The following SLC35F1 variants were observed in gnomAD, a reference collection of about 807,000 sequenced individuals.
SLC35F1 encodes the protein solute carrier family 35 member F1.
SLC35F1 carries 14 observed loss-of-function variants against 48.7 expected under a neutral mutation model. The observed-to-expected ratio is 0.29, with a 90% CI of 0.19 to 0.45. The LOEUF is 0.45. SLC35F1 is among the 20% of genes least tolerant of loss of function. The pLI is 1.00. For synonymous variants in SLC35F1, 190 were observed against 202.2 expected (o/e 0.94, Z 0.51); for missense variants, 404 against 500.0 (o/e 0.81, Z 1.83).
Position 118,269,947 on chromosome 6 carries a change from G to A in SLC35F1, c.637+2793G>A, listed in dbSNP as rs144944824. On this transcript the variant is annotated intron_variant, in intron 4 of 7. Coordinates refer to ENST00000360388, the MANE Select transcript of SLC35F1 (RefSeq NM_001029858.4). ...GGAGGCTGAGGCGGGAGGATCGCCT[G>A]AGCCCAGGAGTTTAACGTTATAGTG... is the stretch of plus-strand genomic sequence containing the variant. 3.4e-3 allele frequency among the ~76,000 whole-genome samples: 511 copies of A among 152,248 alleles called. 1 individual carries two copies. The highest frequency in any genetic ancestry group is 6.0e-3 in the Non-Finnish European group (408 of 68,014).
chr6:118,286,705 T>C (rs185936367), intron 7 of SLC35F1, among the ~76,000 whole-genome samples: 99 of 152,328 alleles, frequency 6.5e-4, no homozygotes, highest in African/African-American at 2.4e-3. Context: ...TTTGGATGTA[T>C]GTATACATTG....
chr6:118,237,610 G>C (rs1775382280), intron 3 of SLC35F1, among the ~76,000 whole-genome samples: 1 of 152,050 alleles, frequency 6.6e-6, no homozygotes. Flanking sequence ...GGCTGGTCTT[G>C]AACTCCTGGG....
intron 2 of SLC35F1, among the ~76,000 whole-genome samples, chr6:118,221,561 A>G (rs1306243989): frequency 6.6e-6 from 1 of 152,194 alleles, no homozygotes; most frequent in African/African-American, 2.4e-5. Context: ...CAAAAACACC[A>G]TTGATATTCT....
intron 1 of SLC35F1, among the ~76,000 whole-genome samples, chr6:118,123,942 C>A (rs145384414): frequency 1.2e-4 from 18 of 152,230 alleles, no homozygotes; most frequent in African/African-American, 4.1e-4. Flanking sequence ...GTGGCAAAGT[C>A]AGTAAAATGG....
chr6:117,992,520 C>T (rs1380746987), intron 1 of SLC35F1, among the ~76,000 whole-genome samples: 1 of 152,132 alleles, frequency 6.6e-6, no homozygotes, highest in Non-Finnish European at 1.5e-5. Flanking sequence ...TCTTTGTCTC[C>T]TCAGCTAAGC....
intron 1 of SLC35F1, among the ~76,000 whole-genome samples, chr6:118,025,922 C>T (rs1160131438): frequency 6.6e-6 from 1 of 152,098 alleles, no homozygotes; most frequent in Admixed American, 6.6e-5. Flanking sequence ...TCTGTGATTG[C>T]ACCAGGTAAC....
chr6:118,287,283 C>T (rs1392453017), intron 7 of SLC35F1, among the ~76,000 whole-genome samples: 1 of 152,128 alleles, frequency 6.6e-6, no homozygotes, highest in Non-Finnish European at 1.5e-5. Flanking sequence ...GAGTGGCCAC[C>T]AATATTCTTC....
intron 1 of SLC35F1, among the ~76,000 whole-genome samples, chr6:118,005,714 A>G (rs1288862823): frequency 6.6e-6 from 1 of 152,202 alleles, no homozygotes; most frequent in Non-Finnish European, 1.5e-5. Context: ...ATAAATAAGT[A>G]TGCATTTGGA....
chr6:118,024,484 T>C (rs1384030881), intron 1 of SLC35F1, among the ~76,000 whole-genome samples: 1 of 152,196 alleles, frequency 6.6e-6, no homozygotes, highest in Non-Finnish European at 1.5e-5. Flanking sequence ...TAAAACCCTT[T>C]TTCTTTCTAA....
chr6:118,044,738 ATCT>A (rs1161207537), intron 1 of SLC35F1, among the ~76,000 whole-genome samples: 1 of 152,130 alleles, frequency 6.6e-6, no homozygotes, highest in Non-Finnish European at 1.5e-5. Context: ...CACCTACAAA[ATCT>A]TCTTTCTCCT....
chr6:118,181,574 A>C lies in SLC35F1; in HGVS notation c.349+26954A>C, dbSNP rs148304680. On this transcript the variant is annotated intron_variant, in intron 2 of 7. Coordinates refer to ENST00000360388, the MANE Select transcript of SLC35F1 (RefSeq NM_001029858.4). ...TACATGAGACAAATCAAAAGTCCAA[A>C]ACATCACCAAAATGAGTAGAAATAT... is the stretch of plus-strand genomic sequence containing the variant. Among the ~76,000 whole-genome samples the C allele has an allele frequency of 9.3e-4, 141 of 152,256 alleles. 2 individuals carry two copies. In the East Asian group the frequency reaches 0.02, roughly 22 times the overall value.
chr6:117,978,827 A>C (rs1310221381), intron 1 of SLC35F1, among the ~76,000 whole-genome samples: 1 of 152,240 alleles, frequency 6.6e-6, no homozygotes, highest in Non-Finnish European at 1.5e-5. Context: ...CTGTCCCATT[A>C]CTTACACTCC....
rs191428049 is a variant in SLC35F1 at position 117,950,127 on chromosome 6, T to G, written c.173+42228T>G. On this transcript the variant is annotated intron_variant, in intron 1 of 7. Transcript: ENST00000360388. ...TTCTTTGGGGTGTTGTTTCTGGCCG[T>G]GGATTATTCATTTTCTTTAATAAGC... is the stretch of plus-strand genomic sequence containing the variant. Among the ~76,000 whole-genome samples the G allele has an allele frequency of 9.3e-3, 1,413 of 152,302 alleles. 20 individuals carry two copies. Among genetic ancestry groups the G allele is most frequent in the African/African-American group, 0.029 (1,201 of 41,564 alleles).
At chr6:118,061,662 G>A (rs906539643) in intron 1 of SLC35F1, among the ~76,000 whole-genome samples, 12 of 150,584 alleles carry the variant, frequency 8.0e-5, no homozygotes, top group Non-Finnish European at 1.5e-4. Context: ...GGGACTTCTC[G>A]TCATAGTTTA....
intron 1 of SLC35F1, among the ~76,000 whole-genome samples, chr6:118,055,108 C>A (rs1163454663): frequency 6.6e-6 from 1 of 152,016 alleles, no homozygotes; most frequent in African/African-American, 2.4e-5. Flanking sequence ...TGAATGTATC[C>A]GAGTATTGAA....
At chr6:118,102,931 C>T (rs4636058) in intron 1 of SLC35F1, among the ~76,000 whole-genome samples, 31,699 of 151,980 alleles carry the variant, frequency 0.21, 3,745 homozygotes, top group East Asian at 0.39. Flanking sequence ...TAGATTTGCA[C>T]CCGTGTTTTG....
At chr6:118,109,768 G>A (rs112436192) in intron 1 of SLC35F1, among the ~76,000 whole-genome samples, 1 of 152,086 alleles carries the variant, frequency 6.6e-6, no homozygotes, top group African/African-American at 2.4e-5. Flanking sequence ...CCAGGAGCTG[G>A]GCTCTCTAAG....
At chr6:118,266,686 G>A (rs57454465) in intron 3 of SLC35F1, among the ~76,000 whole-genome samples, 7,592 of 152,184 alleles carry the variant, frequency 0.05, 664 homozygotes, top group African/African-American at 0.17. Context: ...CTGGCCCTGA[G>A]GAAGACAGGA....
At position 118,312,860 on chromosome 6, in the gene SLC35F1, A is replaced by C. The variant is rs545891552; in HGVS notation, c.1003-1168A>C. 6.6e-4 allele frequency among the ~76,000 whole-genome samples: 100 copies of C among 152,164 alleles called. 1 individual carries two copies. In the South Asian group the frequency reaches 0.021, roughly 32 times the overall value. On this transcript the variant is annotated intron_variant, in intron 7 of 7. Transcript: ENST00000360388. ...TTTTCCTTTCTTCCAACTTCCAATT[A>C]ATTTTTGTCTTTTTAGCAGTTTTTA...
Sources: gnomAD v4.1 joint callset for allele counts (sites outside exome capture counted in the v4.1 genomes callset) on GRCh38, gnomAD v4.1.1 for gene constraint, MANE v1.5 for transcripts, NCBI Gene and HGNC (gene_info 2026-07-23, HGNC 2026-07-21) for gene names.